Variants in KCNIP1 observed in about 807,000 individuals in gnomAD.
The protein encoded by KCNIP1 is potassium voltage-gated channel interacting protein 1.
A neutral mutation model predicts 33.0 loss-of-function variants in KCNIP1; 18 were observed. The ratio of observed to expected loss-of-function variants is 0.55; its 90% CI spans 0.38 to 0.81. The LOEUF (loss-of-function observed/expected upper bound fraction) is 0.81, where lower values mean the gene tolerates loss of function less well. Among genes scored for constraint, KCNIP1 ranks in the 30% least tolerant of loss-of-function variants. The probability of loss-of-function intolerance (pLI) is 0.00; values close to 1 mark genes in which losing one functional copy is unlikely to be tolerated. For synonymous variants in KCNIP1, 93 were observed against 98.3 expected, an observed-to-expected ratio of 0.95 and a Z score of 0.32; for missense variants, 238 against 271.6, an observed-to-expected ratio of 0.88 and a Z score of 0.87.
Position 170,521,938 on chromosome 5 carries a change from A to G in KCNIP1, c.61+17305A>G, listed in dbSNP as rs76026493. Among the ~76,000 whole-genome samples the G allele has an allele frequency of 9.1e-3, 1,389 of 152,318 alleles. 47 individuals carry two copies. The East Asian group carries it at 0.12, about 13-fold the overall frequency. On this transcript the variant is annotated intron_variant, in intron 1 of 7. Coordinates refer to ENST00000328939, the MANE Select transcript of KCNIP1 (RefSeq NM_014592.4). The stretch of plus-strand genomic sequence containing the variant: ...CCTCCTTCCATCTTGTTGCTCCCCC[A>G]ACCCTAAGGCATCCTCTACATCTAG...
chr5:170,405,129 T>C (rs781488022), intron 1 of KCNIP1, among the ~76,000 whole-genome samples: 2 of 152,152 alleles, frequency 1.3e-5, no homozygotes, highest in Non-Finnish European at 2.9e-5. Flanking sequence ...GATTAAATAA[T>C]ACATATGCCA....
chr5:170,389,864 A>G (rs1764646070), intron 1 of KCNIP1, among the ~76,000 whole-genome samples: 1 of 152,198 alleles, frequency 6.6e-6, no homozygotes, highest in African/African-American at 2.4e-5. Context: ...TTTTACTCCC[A>G]AACTTATCGT....
At chr5:170,581,362 C>A (rs545210335) in intron 1 of KCNIP1, among the ~76,000 whole-genome samples, 1 of 152,330 alleles carries the variant, frequency 6.6e-6, no homozygotes, top group South Asian at 2.1e-4. Flanking sequence ...CCACCTGGAT[C>A]ATGAGTGTCA....
intron 1 of KCNIP1, among the ~76,000 whole-genome samples, chr5:170,518,487 C>A (rs1353215009): frequency 6.6e-6 from 1 of 152,158 alleles, no homozygotes; most frequent in Admixed American, 6.5e-5. Context: ...GCTGGTACAT[C>A]GTCAAGTCTT....
At chr5:170,623,772 G>A (rs540745153) in intron 1 of KCNIP1, among the ~76,000 whole-genome samples, 6 of 152,298 alleles carry the variant, frequency 3.9e-5, no homozygotes, top group African/African-American at 1.4e-4. Flanking sequence ...GAAGACTAAC[G>A]CACATGATGT....
intron 1 of KCNIP1, among the ~76,000 whole-genome samples, chr5:170,635,245 G>T (rs1253132514): frequency 6.6e-6 from 1 of 152,126 alleles, no homozygotes; most frequent in South Asian, 2.1e-4. Context: ...GGCCAGGCTT[G>T]TCTCAAACAC....
Position 170,424,237 on chromosome 5 carries a change from G to A in KCNIP1, c.88+70273G>A, listed in dbSNP as rs78536366. Among the ~76,000 whole-genome samples the A allele has an allele frequency of 7.0e-3, 1,060 of 152,320 alleles. 56 individuals carry two copies. In the East Asian group the frequency reaches 0.13, roughly 18 times the overall value. On this transcript the variant is annotated intron_variant, in intron 1 of 7. Coordinates refer to the KCNIP1 transcript ENST00000377360. ...GGGATGAGGAATGAAGAGCAGGCAC[G>A]AAGCTGCCATTTATCGAAGGCCTAC...
At chr5:170,355,052 C>T (rs927497550) in intron 1 of KCNIP1, among the ~76,000 whole-genome samples, 52 of 152,198 alleles carry the variant, frequency 3.4e-4, no homozygotes, top group African/African-American at 1.2e-3. Context: ...GCCCGCCACC[C>T]AGCGGGTCTG....
chr5:170,684,480 C>G (rs1762471860), intron 1 of KCNIP1, among the ~76,000 whole-genome samples: 1 of 152,276 alleles, frequency 6.6e-6, no homozygotes, highest in East Asian at 1.9e-4. Flanking sequence ...TGTATTATGA[C>G]AGTCTTAGGA....
intron 1 of KCNIP1, among the ~76,000 whole-genome samples, chr5:170,636,801 G>A (rs539167839): frequency 3.3e-5 from 5 of 152,250 alleles, no homozygotes; most frequent in South Asian, 4.1e-4. Context: ...TCCTACATAC[G>A]AAGTGCTCTA....
intron 1 of KCNIP1, among the ~76,000 whole-genome samples, chr5:170,627,113 G>A (rs1461020927): frequency 4.6e-5 from 7 of 152,126 alleles, no homozygotes; most frequent in Non-Finnish European, 1.0e-4. Flanking sequence ...CCTCCCCCAC[G>A]TTTTTTCTCT....
At chr5:170,640,091 G>C (rs748696079) in intron 1 of KCNIP1, among the ~76,000 whole-genome samples, 1 of 152,224 alleles carries the variant, frequency 6.6e-6, no homozygotes, top group Non-Finnish European at 1.5e-5. Context: ...AGTGGCAGTG[G>C]CTTCCAGAGA....
intron 1 of KCNIP1, among the ~76,000 whole-genome samples, chr5:170,636,334 GCA>G (rs1760279546): frequency 1.3e-5 from 2 of 152,084 alleles, no homozygotes; most frequent in Non-Finnish European, 2.9e-5. Context: ...GGGCAGAAAG[GCA>G]CACAGGGACA....
intron 1 of KCNIP1, among the ~76,000 whole-genome samples, chr5:170,513,716 G>A (rs1755022659): frequency 6.6e-6 from 1 of 152,200 alleles, no homozygotes; most frequent in Non-Finnish European, 1.5e-5. Context: ...CACTGATAAT[G>A]TTCAGAATCC....
intron 1 of KCNIP1, chr5:170,376,107 G>A (rs1456574282): frequency 7.2e-6 from 1 of 139,640 alleles, no homozygotes; most frequent in East Asian, 2.2e-4. Flanking sequence ...AGATAACATT[G>A]TCAGTATAAC....
intron 1 of KCNIP1, among the ~76,000 whole-genome samples, chr5:170,585,346 G>A (rs1757947819): frequency 6.6e-6 from 1 of 152,068 alleles, no homozygotes; most frequent in Non-Finnish European, 1.5e-5. Context: ...GTGAGTTAGG[G>A]GATGAGCCGG....
intron 1 of KCNIP1, chr5:170,712,991 T>C (rs1340362180): frequency 1.9e-5 from 17 of 905,788 alleles, no homozygotes; most frequent in Non-Finnish European, 1.1e-5. Context: ...TGCACCAGCT[T>C]TCTGTGTCCT....
intron 1 of KCNIP1, among the ~76,000 whole-genome samples, chr5:170,712,119 G>C (rs1763469485): frequency 6.6e-6 from 1 of 152,186 alleles, no homozygotes; most frequent in Non-Finnish European, 1.5e-5. Context: ...GACTCACCCA[G>C]CTCCACTGTG....
At chr5:170,364,643 C>CCCT (rs1763607106) in intron 1 of KCNIP1, among the ~76,000 whole-genome samples, 1 of 152,174 alleles carries the variant, frequency 6.6e-6, no homozygotes, top group Non-Finnish European at 1.5e-5. Context: ...CATTCAAATC[C>CCCT]CCTCCTGCGG....
Sources: allele counts gnomAD v4.1 joint callset (sites outside exome capture counted in the v4.1 genomes callset), GRCh38; gene constraint gnomAD v4.1.1; transcripts MANE v1.5; gene names NCBI Gene and HGNC (gene_info 2026-07-23, HGNC 2026-07-21).